Variants in CPNE7 observed in about 807,000 individuals in gnomAD.
CPNE7 encodes the protein copine-7.
CPNE7 carries 78 observed loss-of-function variants against 66.5 expected under a neutral mutation model. That is an observed-to-expected ratio of 1.17 (90% CI 0.98 to 1.42). The LOEUF (loss-of-function observed/expected upper bound fraction) is 1.42. Ranked by LOEUF, CPNE7 falls within the 40% of genes most tolerant of loss-of-function variation. CPNE7 has a pLI of 0.00. For synonymous variants in CPNE7, 468 were observed against 336.7 expected (o/e 1.39, Z -4.27); for missense variants, 1,012 against 776.6 (o/e 1.30, Z -3.60).
In CPNE7 at chr16:89,587,055, T is replaced by C. The variant is rs2059053789; in HGVS notation, c.880T>C (p.Tyr294His). The C allele has an allele frequency of 1.3e-6, 2 of 1,580,444 alleles. No individual in the cohort carries two copies. The highest frequency in any genetic ancestry group is 1.7e-6 in the Non-Finnish European group (2 of 1,163,050). ...CGCCGGCCGGAAGTTCCACAGGGTG[T>C]ACTCCTTCCTGGACTATATCATGGG... is the stretch of plus-strand genomic sequence containing the variant. ...VLADLKFHRV[Y>H]SFLDYIMGGC... Residue 294 changes from tyrosine (Y) to histidine (H), a missense_variant, in exon 9 of 15, where the codon TAC (tyrosine) becomes CAC (histidine). Tyr to His is a moderately conservative substitution (Grantham distance 83). Coordinates refer to ENST00000319518, the MANE Select transcript of CPNE7 (RefSeq NM_153636.3).
Position 89,588,927 on chromosome 16 carries a change from C to T in CPNE7, c.1061+119C>T, listed in dbSNP as rs558497562. 330 of 1,277,806 alleles carry T rather than the reference C, an allele frequency of 2.6e-4. 1 individual carries two copies. Among genetic ancestry groups the T allele is most frequent in the African/African-American group, 6.5e-4 (44 of 68,082 alleles). The allele number at this position is 1,277,806 out of a possible 1,614,324, so 79.2% of individuals were successfully genotyped here. ...GTCAGCTATGACAGGTGCACCCGGC[C>T]GGTTTTCCCTCACCCCCCTGGGCTC... On this transcript the variant is annotated intron_variant, in intron 10 of 14. Transcript: ENST00000319518.
At position 89,579,095 on chromosome 16, in the gene CPNE7, C is replaced by G; in HGVS notation, c.357+1374C>G. The G allele has an allele frequency of 6.2e-6, 5 of 803,306 alleles. No individual in the cohort carries two copies. The South Asian group carries it at 8.4e-5, about 13-fold the overall frequency. The allele number at this position is 803,306 out of a possible 1,614,324, so 49.8% of individuals were successfully genotyped here. On this transcript the variant is annotated intron_variant, in intron 2 of 14. Transcript: ENST00000319518. ...CACGAGGTCAGGAGTTCGAGACCAGCCTGGCCAACATGATGAAACCCCATC... is the reference window on the plus strand; with the variant it reads ...CACGAGGTCAGGAGTTCGAGACCAGGCTGGCCAACATGATGAAACCCCATC...
chr16:89,595,574 C>A lies in CPNE7; in HGVS notation c.1510C>A (p.Gln504Lys). Reference protein sequence around the residue: ...RGEPALRDIVQFVPFRELKNA... With the variant: ...RGEPALRDIVKFVPFRELKNA... ...TGAGCCCGCGCTCCGGGACATCGTACAGTTCGTGCCCTTCCGGGAGCTCAA... is the reference window on the plus strand; with the variant it reads ...TGAGCCCGCGCTCCGGGACATCGTAAAGTTCGTGCCCTTCCGGGAGCTCAA... The change falls in exon 14 of 15, where the codon CAG becomes AAG. Residue 504 changes from glutamine to lysine, a missense_variant. Gln to Lys is a moderately conservative substitution (Grantham distance 53). Transcript: ENST00000319518. 2 of 1,607,930 alleles carry A rather than the reference C, an allele frequency of 1.2e-6. No individual in the cohort carries two copies. Among genetic ancestry groups the A allele is most frequent in the South Asian group, 1.1e-5 (1 of 90,870 alleles).
chr16:89,584,782 C>T lies in CPNE7; in HGVS notation c.516C>T (p.Phe172=). ...RARKLDDKDL[F]SKSDPFLELY... is the part of the protein sequence containing the mutation. ...CTTGTGCCTCTCCCCAGGACCTCTTCAGCAAGTCCGACCCCTTCCTGGAGC... is the reference window on the plus strand; with the variant it reads ...CTTGTGCCTCTCCCCAGGACCTCTTTAGCAAGTCCGACCCCTTCCTGGAGC... The change falls in exon 5 of 15, where the codon TTC becomes TTT. Residue 172 remains phenylalanine (F), a synonymous_variant. Coordinates refer to ENST00000319518, the MANE Select transcript of CPNE7 (RefSeq NM_153636.3). The surrounding 1 kb of genome is among the most constrained non-coding windows in gnomAD (Gnocchi z 6.0). The T allele has an allele frequency of 6.2e-7, 1 of 1,613,374 alleles. No homozygotes were observed.
At chr16:89,591,859 T>TGC (rs2059175817) in intron 13 of CPNE7, among the ~76,000 whole-genome samples, 1 of 143,246 alleles carries the variant, frequency 7.0e-6, no homozygotes, top group Non-Finnish European at 1.5e-5. Context: ...CGCCACCACT[T>TGC]CTGGCTAATT....
intron 14 of CPNE7, 25 bp downstream of exon 14, chr16:89,595,628 C>G (rs2059243003): frequency 1.3e-6 from 2 of 1,577,408 alleles, no homozygotes; most frequent in African/African-American, 1.3e-5. Context: ...GGGGCTCCGT[C>G]AAGGCCGGCT....
chr16:89,591,344 G>T, intron 13 of CPNE7, 84 bp downstream of exon 13: 4 of 1,450,134 alleles, frequency 2.8e-6, no homozygotes, highest in Non-Finnish European at 2.7e-6. Context: ...GAGGCACCTG[G>T]CAGAGGGAAC....
chr16:89,582,127 G>A (rs757575277), intron 2 of CPNE7, among the ~76,000 whole-genome samples: 59 of 152,224 alleles, frequency 3.9e-4, no homozygotes, highest in Non-Finnish European at 7.3e-5. Context: ...GAGGCCCCTC[G>A]TGGGTTCCTG....
chr16:89,576,139 G>A, intron 1 of CPNE7, 68 bp downstream of exon 1: 3 of 1,211,630 alleles, frequency 2.5e-6, no homozygotes, highest in Non-Finnish European at 2.1e-6. Flanking sequence ...GGGATGCGGA[G>A]ACCAGAGCGG....
rs140209477 is a variant in CPNE7, at chr16:89,577,674, T to A, written c.310T>A (p.Cys104Ser). ...YDTHGPSGFS[C>S]QEDDFLGGME... ...CACGCATGGGCCCAGCGGCTTCAGC[T>A]GTCAGGAGGACGATTTCCTGGGGGG... Residue 104 changes from cysteine to serine, a missense_variant, in exon 2 of 15, where the codon TGT becomes AGT. Coordinates refer to ENST00000319518, the MANE Select transcript of CPNE7 (RefSeq NM_153636.3). 10 of 1,601,088 alleles carry A rather than the reference T, an allele frequency of 6.2e-6. No homozygotes were observed. In the African/African-American group the frequency reaches 1.3e-4, roughly 21 times the overall value.
chr16:89,595,995 A>C (rs2059249475), intron 14 of CPNE7: 1 of 489,874 alleles, frequency 2.0e-6, no homozygotes. Flanking sequence ...CACAGCACAC[A>C]CGTGAGGTTC....
Position 89,596,737 on chromosome 16 carries a change from C to G in CPNE7, c.*116C>G. ...ACCTCCCAGAAGCCTCCAGTCCCCA[C>G]CAGGCCCCACTCCCAGTCCTCCTGG... On this transcript the variant is annotated 3_prime_UTR_variant, in exon 15 of 15. Coordinates refer to ENST00000319518, the MANE Select transcript of CPNE7 (RefSeq NM_153636.3). 8.2e-7 allele frequency: 1 copy of G among 1,223,300 alleles called. No individual in the cohort carries two copies. Among genetic ancestry groups the G allele is most frequent in the South Asian group, 1.9e-5 (1 of 52,090 alleles). 75.8% of individuals were successfully genotyped at this position (1,223,300 alleles called of 1,614,324 possible).
chr16:89,595,236 A>G, intron 13 of CPNE7, 131 bp from the exon 14 acceptor site: 1 of 695,434 alleles, frequency 1.4e-6, no homozygotes, highest in Non-Finnish European at 2.5e-6. Context: ...TGTAGGCATC[A>G]CACTCTGAAG....
chr16:89,587,229 CAGTCCGTGGCCCCGCCCCT>C (rs2059064378), intron 9 of CPNE7, 127 bp downstream of exon 9: 13 of 353,062 alleles, frequency 3.7e-5, no homozygotes, highest in African/African-American at 3.3e-4. Context: ...CCCGCCCCCT[CAGTCCGTGGCCCCGCCCCT>C]CCCGCCCCCT....
intron 2 of CPNE7, among the ~76,000 whole-genome samples, chr16:89,580,547 G>A (rs2058937702): frequency 7.3e-6 from 1 of 137,464 alleles, no homozygotes; most frequent in African/African-American, 2.8e-5. Context: ...CCGTCACATG[G>A]AACATCCCAT....
At chr16:89,579,710 C>T (rs566169906) in intron 2 of CPNE7, among the ~76,000 whole-genome samples, 1 of 150,702 alleles carries the variant, frequency 6.6e-6, no homozygotes, top group African/African-American at 2.4e-5. Context: ...CATGGAACAT[C>T]CCATCACCCA....
intron 9 of CPNE7, 129 bp from the exon 10 acceptor site, chr16:89,588,546 C>G: frequency 1.7e-6 from 2 of 1,170,274 alleles, no homozygotes; most frequent in African/African-American, 1.5e-5. Flanking sequence ...CAGCAGCCCC[C>G]CAGCCCTACC....
At chr16:89,595,957 C>G (rs1463048106) in intron 14 of CPNE7, 1 of 519,614 alleles carries the variant, frequency 1.9e-6, no homozygotes, top group Non-Finnish European at 3.7e-6. Context: ...ACACACAGCA[C>G]ACACGTGAGG....
At chr16:89,577,786 CTGA>C in intron 2 of CPNE7, 65 bp downstream of exon 2, 1 of 1,504,134 alleles carries the variant, frequency 6.6e-7, no homozygotes. Flanking sequence ...CGATTCAAGG[CTGA>C]TGTACCAGCA....
Sources: gnomAD v4.1 joint callset for allele counts (sites outside exome capture counted in the v4.1 genomes callset) on GRCh38, gnomAD v4.1.1 for gene constraint, Gnocchi (gnomAD v3.1) non-coding constraint, MANE v1.5 for transcripts, NCBI Gene and HGNC (gene_info 2026-07-23, HGNC 2026-07-21) for gene names.